Variants in CCDC149 observed in about 807,000 individuals in gnomAD.
The protein encoded by CCDC149 is coiled-coil domain-containing protein 149.
CCDC149 carries 45 observed loss-of-function variants against 59.9 expected under a neutral mutation model. The observed-to-expected ratio is 0.75, with a 90% CI of 0.59 to 0.96. The LOEUF (loss-of-function observed/expected upper bound fraction) is 0.96, where lower values mean the gene tolerates loss of function less well. Ranked by LOEUF, CCDC149 falls within the 40% of genes least tolerant of loss-of-function variation. The pLI is 0.00. For synonymous variants in CCDC149, 245 were observed against 260.6 expected, an observed-to-expected ratio of 0.94 and a Z score of 0.58; for missense variants, 584 against 664.7, an observed-to-expected ratio of 0.88 and a Z score of 1.33.
intron 7 of CCDC149, 115 bp downstream of exon 7, chr4:24,836,321 T>A: frequency 4.1e-6 from 3 of 736,572 alleles, no homozygotes; most frequent in Non-Finnish European, 7.2e-6. Flanking sequence ...TTAGACTCTA[T>A]CTGGGAGGGC....
chr4:24,846,658 C>T (rs1717307161), intron 4 of CCDC149, among the ~76,000 whole-genome samples: 1 of 152,150 alleles, frequency 6.6e-6, no homozygotes, highest in African/African-American at 2.4e-5. Flanking sequence ...TATCATTTCA[C>T]GGCACCAATG....
At chr4:24,964,297 A>G (rs1418493649) in intron 1 of CCDC149, among the ~76,000 whole-genome samples, 1 of 152,150 alleles carries the variant, frequency 6.6e-6, no homozygotes, top group African/African-American at 2.4e-5. Flanking sequence ...AATGGAGATG[A>G]CAGGATAGAA....
At position 24,899,461 on chromosome 4, in the gene CCDC149, AG is replaced by A. The variant is rs1721034615; in HGVS notation, c.63+13355del. On this transcript the variant is annotated intron_variant, in intron 1 of 12. Coordinates refer to ENST00000635206, the MANE Select transcript of CCDC149 (RefSeq NM_001330643.2). ...GAAGCCCAGCATGTAGGAAAAGAAG[AG>A]GAGAGTATCAGAGGCTGCACAGCCA... Among the ~76,000 whole-genome samples, 4 of 152,200 alleles carry A rather than the reference AG, an allele frequency of 2.6e-5. 1 individual carries two copies. The South Asian group carries it at 8.3e-4, about 32-fold the overall frequency.
At chr4:24,965,041 A>G (rs1329678638) in intron 1 of CCDC149, among the ~76,000 whole-genome samples, 3 of 151,246 alleles carry the variant, frequency 2.0e-5, no homozygotes, top group African/African-American at 7.4e-5. Context: ...GTCCTTAAAA[A>G]TGGTAAAAGG....
chr4:24,973,656 C>CCATT (rs1354080698), intron 1 of CCDC149, among the ~76,000 whole-genome samples: 1 of 152,038 alleles, frequency 6.6e-6, no homozygotes, highest in Admixed American at 6.5e-5. Context: ...AGCCATCCAT[C>CCATT]GGTACTGGAT....
chr4:24,940,083 C>A (rs530948123), intron 1 of CCDC149, among the ~76,000 whole-genome samples: 2 of 152,214 alleles, frequency 1.3e-5, no homozygotes, highest in Admixed American at 1.3e-4. Flanking sequence ...AACTCCAAGA[C>A]ACATAATTGT....
intron 1 of CCDC149, among the ~76,000 whole-genome samples, chr4:24,955,624 A>C (rs1382565595): frequency 1.3e-5 from 2 of 152,198 alleles, no homozygotes; most frequent in African/African-American, 4.8e-5. Context: ...AAAAAACAAA[A>C]ACAAAAACAA....
At chr4:24,861,122 A>G (rs1333080528) in intron 3 of CCDC149, among the ~76,000 whole-genome samples, 1 of 152,204 alleles carries the variant, frequency 6.6e-6, no homozygotes, top group East Asian at 1.9e-4. Context: ...GTATCTACTC[A>G]AAGGAAAAGA....
chr4:24,819,451 G>T (rs1715222046), intron 12 of CCDC149, among the ~76,000 whole-genome samples: 1 of 152,172 alleles, frequency 6.6e-6, no homozygotes, highest in South Asian at 2.1e-4. Context: ...CTCCTGAGTA[G>T]CTGGGACTAC....
At chr4:24,930,788 A>G (rs760089395) in intron 1 of CCDC149, among the ~76,000 whole-genome samples, 1 of 152,198 alleles carries the variant, frequency 6.6e-6, no homozygotes, top group Non-Finnish European at 1.5e-5. Context: ...GTTTATAGAG[A>G]TAAGTTAGAA....
At chr4:24,957,703 G>T (rs7667855) in intron 1 of CCDC149, among the ~76,000 whole-genome samples, 151,907 of 152,382 alleles carry the variant, frequency 1, 75,720 homozygotes, top group East Asian at 1. Context: ...CCATGTCTGT[G>T]CATCTCCATA....
upstream of CCDC149, among the ~76,000 whole-genome samples, chr4:24,916,824 G>GTGTGTA (rs773321362): frequency 6.7e-6 from 1 of 148,294 alleles, no homozygotes. Flanking sequence ...GTGTGTGTGT[G>GTGTGTA]TACATATATT....
intron 3 of CCDC149, among the ~76,000 whole-genome samples, chr4:24,859,797 C>A (rs1718261839): frequency 6.6e-6 from 1 of 152,130 alleles, no homozygotes; most frequent in Non-Finnish European, 1.5e-5. Context: ...CTGCTATATA[C>A]CAACAGTGGT....
intron 1 of CCDC149, among the ~76,000 whole-genome samples, chr4:24,967,651 T>A (rs1723838880): frequency 6.6e-6 from 1 of 150,684 alleles, no homozygotes; most frequent in Non-Finnish European, 1.5e-5. Flanking sequence ...CCATATGTCA[T>A]GATCTAGTTG....
intron 1 of CCDC149, among the ~76,000 whole-genome samples, chr4:24,938,698 A>G (rs1722855197): frequency 6.6e-6 from 1 of 152,242 alleles, no homozygotes; most frequent in South Asian, 2.1e-4. Context: ...TCCCACCCTA[A>G]CACTACGCTC....
chr4:24,852,159 C>T (rs1478109915), intron 4 of CCDC149, among the ~76,000 whole-genome samples: 1 of 151,930 alleles, frequency 6.6e-6, no homozygotes, highest in African/African-American at 2.4e-5. Context: ...AAAGAGTGAG[C>T]ATTTTTCATA....
At chr4:24,970,979 T>C (rs1257635924) in intron 1 of CCDC149, among the ~76,000 whole-genome samples, 3 of 152,036 alleles carry the variant, frequency 2.0e-5, no homozygotes, top group African/African-American at 4.8e-5. Flanking sequence ...ATGGATGAGG[T>C]TGATCAGATG....
intron 1 of CCDC149, among the ~76,000 whole-genome samples, chr4:24,960,682 G>A (rs1712625281): frequency 6.6e-6 from 1 of 152,124 alleles, no homozygotes; most frequent in Non-Finnish European, 1.5e-5. Context: ...ATTATGAAAA[G>A]GGTCAATTAG....
In CCDC149 at chr4:24,876,578, C is replaced by T; in HGVS notation, c.183G>A (p.Arg61=). The change falls in exon 2 of 13, where the codon CGG becomes CGA. Residue 61 remains arginine, a synonymous_variant. Transcript: ENST00000635206. ...TCTTCTTCAGTGACTGGTGGCGCTCCCGGAGCTGATTGGCCATGAGTTTGT... is the reference window on the plus strand; with the variant it reads ...TCTTCTTCAGTGACTGGTGGCGCTCTCGGAGCTGATTGGCCATGAGTTTGT... 1 of 1,614,090 alleles carries T rather than the reference C, an allele frequency of 6.2e-7. No individual in the cohort carries two copies. The highest frequency in any genetic ancestry group is 8.5e-7 in the Non-Finnish European group (1 of 1,179,982).
Sources: gnomAD v4.1 joint callset for allele counts (sites outside exome capture counted in the v4.1 genomes callset) on GRCh38, gnomAD v4.1.1 for gene constraint, MANE v1.5 for transcripts, NCBI Gene and HGNC (gene_info 2026-07-23, HGNC 2026-07-21) for gene names.